Variants in ZNF43 observed in about 807,000 individuals in gnomAD.
The protein encoded by ZNF43 is zinc finger protein 43.
A neutral mutation model predicts 68.4 loss-of-function variants in ZNF43; 44 were observed. The observed-to-expected ratio is 0.64, with a 90% confidence interval of 0.51 to 0.83. ZNF43 has a LOEUF of 0.83. Among genes scored for constraint, ZNF43 ranks in the 40% least tolerant of loss-of-function variants. ZNF43 has a pLI of 0.00. For missense variants in ZNF43, 896 were observed against 933.2 expected, an observed-to-expected ratio of 0.96 and a Z score of 0.52; for synonymous variants, 308 against 307.8, an observed-to-expected ratio of 1.00 and a Z score of -0.01.
Position 21,812,936 on chromosome 19 carries a change from A to AT in ZNF43, c.230-3130_230-3129insA, listed in dbSNP as rs1445428028. On this transcript the variant is annotated intron_variant, in intron 3 of 3. Transcript: ENST00000354959. ...TGACAGAGTGTGACTCCATCTCAAA[A>AT]AAAAATAATAATAAAAAATTACAAA... 1.2e-3 allele frequency among the ~76,000 whole-genome samples: 176 copies of AT among 151,792 alleles called. 1 individual carries two copies. The highest frequency in any genetic ancestry group is 3.9e-3 in the African/African-American group (161 of 41,360).
chr19:21,849,742 CAA>C (rs374695528), intron 1 of ZNF43, among the ~76,000 whole-genome samples: 2 of 141,808 alleles, frequency 1.4e-5, no homozygotes, highest in Non-Finnish European at 1.6e-5. Context: ...AACTCCATCT[CAA>C]AAAAAAAAAA....
Position 21,805,854 on chromosome 19 carries a change from C to G in ZNF43, c.*1753G>C, listed in dbSNP as rs1438198763. 1 of 150,512 alleles carries G rather than the reference C, an allele frequency of 6.6e-6. No homozygotes were observed. Among genetic ancestry groups the G allele is most frequent in the Non-Finnish European group, 1.5e-5 (1 of 67,362 alleles). The allele number at this position is 150,512 out of a possible 1,614,324, so 9.3% of individuals were successfully genotyped here. Reference sequence around the variant, plus strand: ...TTACCAAATAGTATATTGTTACCATCTTTTACATACACTCTTGAGTAAGGT... The same window carrying G: ...TTACCAAATAGTATATTGTTACCATGTTTTACATACACTCTTGAGTAAGGT... On this transcript the variant is annotated 3_prime_UTR_variant, in exon 4 of 4. Coordinates refer to ENST00000354959, the MANE Select transcript of ZNF43 (RefSeq NM_003423.4).
In ZNF43 at chr19:21,808,493, C is replaced by T. The variant is rs747239613; in HGVS notation, c.1544G>A (p.Cys515Tyr). ...IEKKPYKCEECGKAFKWSSKL... is the reference protein window; with the variant it reads ...IEKKPYKCEEYGKAFKWSSKL... ...TGAGGACCACTTAAAAGCTTTGCCA[C>T]ATTCTTCACATTTGTAGGGTTTCTT... The change falls in exon 4 of 4, where the codon TGT (cysteine) becomes TAT (tyrosine). Residue 515 changes from cysteine (C) to tyrosine (Y), a missense_variant. Transcript: ENST00000354959. The T allele has an allele frequency of 6.2e-6, 10 of 1,613,226 alleles. No individual in the cohort carries two copies. The highest frequency in any genetic ancestry group is 3.3e-5 in the Admixed American group (2 of 59,958).
At chr19:21,835,262 A>AG (rs1176586334) in intron 1 of ZNF43, among the ~76,000 whole-genome samples, 1 of 150,442 alleles carries the variant, frequency 6.6e-6, no homozygotes, top group African/African-American at 2.5e-5. Flanking sequence ...AAAAAAAAAA[A>AG]AAAAGAAAAA....
chr19:21,842,040 C>T (rs532582034), intron 1 of ZNF43, among the ~76,000 whole-genome samples: 3 of 152,158 alleles, frequency 2.0e-5, no homozygotes, highest in South Asian at 2.1e-4. Context: ...ACCTAAGTGA[C>T]GTGACTCTCC....
At chr19:21,809,953 A>C in intron 3 of ZNF43, 146 bp from the exon 4 acceptor site, 2 of 813,108 alleles carry the variant, frequency 2.5e-6, no homozygotes, top group Non-Finnish European at 3.6e-6. Context: ...AGACATATAA[A>C]TGTAACAAAA....
intron 3 of ZNF43, 69 bp downstream of exon 3, chr19:21,817,819 G>T: frequency 6.8e-7 from 1 of 1,462,468 alleles, no homozygotes; most frequent in Non-Finnish European, 9.4e-7. Context: ...ACATTTTAAG[G>T]ACTGGCTTTC....
At position 21,808,790 on chromosome 19, in the gene ZNF43, T is replaced by G. The variant is rs760925138; in HGVS notation, c.1247A>C (p.His416Pro). 5 of 1,612,932 alleles carry G rather than the reference T, an allele frequency of 3.1e-6. No homozygotes were observed. Among genetic ancestry groups the G allele is most frequent in the South Asian group, 2.2e-5 (2 of 91,010 alleles). ...AFKWSSKLTE[H>P]KLTHTGEKPY... The stretch of plus-strand genomic sequence containing the variant: ...TTTCTCTCCAGTATGAGTTAACTTA[T>G]GTTCAGTAAGCTTTGAGGACCACTT... Residue 416 changes from histidine to proline, a missense_variant, in exon 4 of 4, where the codon CAT (histidine) becomes CCT (proline). By Grantham distance (77) the His-to-Pro change is moderately conservative (BLOSUM62 -2). Transcript: ENST00000354959.
At position 21,848,293 on chromosome 19, in the gene ZNF43, G is replaced by A. The variant is rs143105155; in HGVS notation, c.30+3612C>T. Among the ~76,000 whole-genome samples, 349 of 152,148 alleles carry A rather than the reference G, an allele frequency of 2.3e-3. 2 individuals carry two copies. The highest frequency in any genetic ancestry group is 7.8e-3 in the African/African-American group (323 of 41,494). ...CAAGTAGCTGGGATTACAGGCATGC[G>A]CCACCACACGTGGCTAATTTTTGTA... On this transcript the variant is annotated intron_variant, in intron 1 of 3. Transcript: ENST00000357491.
intron 1 of ZNF43, among the ~76,000 whole-genome samples, chr19:21,848,767 C>T (rs904745202): frequency 2.0e-5 from 3 of 152,208 alleles, no homozygotes; most frequent in Middle Eastern, 3.2e-3. Context: ...AGAGTCACCA[C>T]ATTCTCTATG....
chr19:21,835,957 T>A (rs937633452), intron 1 of ZNF43, 79 bp downstream of exon 1: 4 of 1,607,348 alleles, frequency 2.5e-6, no homozygotes, highest in Non-Finnish European at 3.4e-6. Context: ...CACGCGCAGA[T>A]TGTGGAGCTG....
chr19:21,841,411 A>G (rs1370268617), intron 1 of ZNF43: 2 of 152,222 alleles, frequency 1.3e-5, no homozygotes, highest in South Asian at 4.1e-4. Context: ...CCTTCTCGAA[A>G]GCAAGGCACA....
chr19:21,819,154 G>T lies in ZNF43; in HGVS notation c.71C>A (p.Ala24Glu). 1 of 1,610,896 alleles carries T rather than the reference G, an allele frequency of 6.2e-7. No homozygotes were observed. The highest frequency in any genetic ancestry group is 8.5e-7 in the Non-Finnish European group (1 of 1,178,832). Residue 24 changes from alanine (A) to glutamate (E), a missense_variant, in exon 2 of 4, where the codon GCA (alanine) becomes GAA (glutamate). Transcript: ENST00000354959. ...CACATTCCTATATAAATTCTGCTGT[G>T]CAATGTCCAGGCATTGCCACTCCTC... ...CLEEWQCLDI[A>E]QQNLYRNVML...
At chr19:21,836,256 G>C (rs568587065), upstream of ZNF43, 7 of 1,381,850 alleles carry the variant, frequency 5.1e-6, no homozygotes, top group Non-Finnish European at 6.6e-6. Context: ...TTCCAGCCCA[G>C]CGTCCCTGAT....
rs541052520 is a variant in ZNF43, at chr19:21,825,414, A to T, written c.4-6193T>A. ...CTTGTGGCAATAGCAAATAGTTTCAAGAGATAAATACATAGTTCAAAGGGA... is the reference window on the plus strand; with the variant it reads ...CTTGTGGCAATAGCAAATAGTTTCATGAGATAAATACATAGTTCAAAGGGA... On this transcript the variant is annotated intron_variant, in intron 1 of 3. Coordinates refer to ENST00000354959, the MANE Select transcript of ZNF43 (RefSeq NM_003423.4). 1.6e-4 allele frequency among the ~76,000 whole-genome samples: 24 copies of T among 152,370 alleles called. No individual in the cohort carries two copies. In the East Asian group the frequency reaches 4.4e-3, roughly 28 times the overall value.
chr19:21,838,050 T>C (rs923455387), upstream of ZNF43: 1 of 152,166 alleles, frequency 6.6e-6, no homozygotes, highest in African/African-American at 2.4e-5. Flanking sequence ...TTAACAGCAG[T>C]GCAGAGGAAG....
rs1363014616 is a variant in ZNF43, at chr19:21,806,286, C to G, written c.*1321G>C. 1.3e-5 allele frequency: 2 copies of G among 151,178 alleles called. No individual in the cohort carries two copies. The highest frequency in any genetic ancestry group is 2.9e-5 in the Non-Finnish European group (2 of 67,958). 9.4% of individuals were successfully genotyped at this position (151,178 alleles called of 1,614,324 possible). Reference sequence around the variant, plus strand: ...CCACTTTCCAGGTTCAAGTGATTCTCCTGCTTCAGCCTTTGAAGTAGCTGG... The same window carrying G: ...CCACTTTCCAGGTTCAAGTGATTCTGCTGCTTCAGCCTTTGAAGTAGCTGG... On this transcript the variant is annotated 3_prime_UTR_variant, in exon 4 of 4. Coordinates refer to ENST00000354959, the MANE Select transcript of ZNF43 (RefSeq NM_003423.4).
chr19:21,834,057 T>C (rs973015993), intron 1 of ZNF43, among the ~76,000 whole-genome samples: 30 of 151,542 alleles, frequency 2.0e-4, no homozygotes, highest in African/African-American at 6.8e-4. Flanking sequence ...AAAAGAGTCC[T>C]GTGCCTAGGG....
In ZNF43 at chr19:21,806,489, C is replaced by T. The variant is rs1180535114; in HGVS notation, c.*1118G>A. ...TGCATCTTACACTTTAATATCCTTACTGTTCCATAAAAAATGTTTTAAATA... is the reference window on the plus strand; with the variant it reads ...TGCATCTTACACTTTAATATCCTTATTGTTCCATAAAAAATGTTTTAAATA... On this transcript the variant is annotated 3_prime_UTR_variant, in exon 4 of 4. Transcript: ENST00000354959. 2 of 152,116 alleles carry T rather than the reference C, an allele frequency of 1.3e-5. No homozygotes were observed. Among genetic ancestry groups the T allele is most frequent in the Non-Finnish European group, 2.9e-5 (2 of 68,028 alleles). The allele number at this position is 152,116 out of a possible 1,614,324, so 9.4% of individuals were successfully genotyped here.
Sources: allele counts gnomAD v4.1 joint callset (sites outside exome capture counted in the v4.1 genomes callset), GRCh38; gene constraint gnomAD v4.1.1; transcripts MANE v1.5; gene names NCBI Gene and HGNC (gene_info 2026-07-23, HGNC 2026-07-21).